The following P4HA1 variants were observed in gnomAD, a reference collection of about 807,000 sequenced individuals.
P4HA1 encodes the protein prolyl 4-hydroxylase subunit alpha-1.
Under a neutral mutation model 72.8 loss-of-function variants are expected in P4HA1, and 24 were observed. The observed-to-expected ratio is 0.33, with a 90% CI of 0.24 to 0.46. The LOEUF (loss-of-function observed/expected upper bound fraction) is 0.46. P4HA1 is among the 20% of genes least tolerant of loss of function. The probability of loss-of-function intolerance (pLI) is 1.00; values close to 1 mark genes in which losing one functional copy is unlikely to be tolerated. For synonymous variants in P4HA1, 201 were observed against 218.8 expected (o/e 0.92, Z 0.72); for missense variants, 446 against 640.6 (o/e 0.70, Z 3.28).
intron 9 of P4HA1, among the ~76,000 whole-genome samples, chr10:73,041,374 T>G (rs1840728771): frequency 6.6e-6 from 1 of 151,962 alleles, no homozygotes; most frequent in Non-Finnish European, 1.5e-5. Flanking sequence ...GAAACCCATC[T>G]CTACTAAAAA....
rs1373285977 is a variant in P4HA1 at position 73,053,531 on chromosome 10, A to G, written c.523T>C (p.Tyr175His). 6.2e-7 allele frequency: 1 copy of G among 1,614,018 alleles called. No individual in the cohort carries two copies. The highest frequency in any genetic ancestry group is 2.2e-5 in the East Asian group (1 of 44,880). Reference sequence around the variant, plus strand: ...GTATGGTAATAATCTGCTTCTGTATAGGCCACTTTGCCCAACTCAAAGCAG... The same window carrying G: ...GTATGGTAATAATCTGCTTCTGTATGGGCCACTTTGCCCAACTCAAAGCAG... Reference protein sequence around the residue: ...EDCFELGKVAYTEADYYHTEL... With the variant: ...EDCFELGKVAHTEADYYHTEL... The change falls in exon 6 of 15, where the codon TAT (tyrosine) becomes CAT (histidine). Residue 175 changes from tyrosine to histidine, a missense_variant. Coordinates refer to ENST00000394890, the MANE Select transcript of P4HA1 (RefSeq NM_001017962.3).
At chr10:73,076,005 C>T (rs1841689183) in intron 1 of P4HA1, among the ~76,000 whole-genome samples, 1 of 152,042 alleles carries the variant, frequency 6.6e-6, no homozygotes, top group African/African-American at 2.4e-5. Context: ...ACTTGGGAGG[C>T]TGAGGCAGGA....
intron 9 of P4HA1, among the ~76,000 whole-genome samples, chr10:73,037,042 T>C (rs1292397599): frequency 2.6e-5 from 4 of 152,164 alleles, no homozygotes; most frequent in Admixed American, 1.3e-4. Flanking sequence ...AAAAATCATT[T>C]GAAGATCATT....
At chr10:73,092,342 TTTTC>T (rs1299205444) in intron 1 of P4HA1, among the ~76,000 whole-genome samples, 1 of 147,626 alleles carries the variant, frequency 6.8e-6, no homozygotes, top group African/African-American at 2.6e-5. Flanking sequence ...TTTTTTTTTC[TTTTC>T]TTTTTTTTTT....
chr10:73,060,409 T>A (rs956938327), intron 5 of P4HA1, among the ~76,000 whole-genome samples: 2 of 152,172 alleles, frequency 1.3e-5, no homozygotes, highest in Admixed American at 6.5e-5. Context: ...TCATCCCTGT[T>A]CAAAGCAATC....
intron 11 of P4HA1, among the ~76,000 whole-genome samples, chr10:73,015,407 G>T (rs1352459092): frequency 2.0e-5 from 3 of 152,124 alleles, no homozygotes; most frequent in African/African-American, 7.2e-5. Flanking sequence ...CATACCAAAA[G>T]TCCAAAATGC....
Position 73,053,809 on chromosome 10 carries a change from T to C in P4HA1, c.464-219A>G, listed in dbSNP as rs540187835. Among the ~76,000 whole-genome samples the C allele has an allele frequency of 5.9e-5, 9 of 152,200 alleles. No homozygotes were observed. In the East Asian group the frequency reaches 1.5e-3, roughly 26 times the overall value. ...AGCTGGTATTAGGGGACACAGAACC[T>C]AGAGAACCCAAGACTGAAATTATCA... On this transcript the variant is annotated intron_variant, in intron 5 of 14. Coordinates refer to ENST00000394890, the MANE Select transcript of P4HA1 (RefSeq NM_001017962.3).
intron 9 of P4HA1, among the ~76,000 whole-genome samples, chr10:73,036,808 T>C (rs1429946191): frequency 6.6e-6 from 1 of 152,204 alleles, no homozygotes; most frequent in African/African-American, 2.4e-5. Flanking sequence ...ATTATAGACA[T>C]AATAGGTTAT....
chr10:73,062,829 G>C (rs1841341768), intron 5 of P4HA1, among the ~76,000 whole-genome samples: 1 of 152,158 alleles, frequency 6.6e-6, no homozygotes, highest in Non-Finnish European at 1.5e-5. Context: ...GACATTTGCA[G>C]ACTACAGAAA....
intron 9 of P4HA1, chr10:73,043,792 G>GTTTCTA: frequency 1.1e-6 from 1 of 898,126 alleles, no homozygotes; most frequent in Non-Finnish European, 1.8e-6. Context: ...TAACCACCTA[G>GTTTCTA]GTCTTAGAAA....
chr10:73,057,414 T>C (rs1303222174), intron 5 of P4HA1, among the ~76,000 whole-genome samples: 1 of 151,866 alleles, frequency 6.6e-6, no homozygotes, highest in Non-Finnish European at 1.5e-5. Flanking sequence ...GGCATGAACC[T>C]GGGAGGTAGA....
At chr10:73,030,836 C>T (rs1457575949) in intron 9 of P4HA1, among the ~76,000 whole-genome samples, 3 of 151,890 alleles carry the variant, frequency 2.0e-5, no homozygotes, top group Non-Finnish European at 4.4e-5. Context: ...GAAAAGTTAC[C>T]CAAACACACC....
At chr10:73,078,908 G>A (rs542950730) in intron 1 of P4HA1, among the ~76,000 whole-genome samples, 39 of 152,016 alleles carry the variant, frequency 2.6e-4, no homozygotes, top group Non-Finnish European at 2.9e-4. Context: ...CACCGCGCCC[G>A]GCTGGTAATT....
intron 5 of P4HA1, among the ~76,000 whole-genome samples, chr10:73,057,585 T>C: frequency 6.6e-6 from 1 of 151,940 alleles, no homozygotes; most frequent in East Asian, 1.9e-4. Flanking sequence ...AGAAAGAATA[T>C]AGATAAGATA....
intron 5 of P4HA1, among the ~76,000 whole-genome samples, chr10:73,066,575 T>TG (rs1841428398): frequency 1.3e-5 from 2 of 152,122 alleles, no homozygotes; most frequent in African/African-American, 4.8e-5. Context: ...TGGAGTGTAG[T>TG]GGCGTGATCA....
At chr10:73,018,757 CTG>C (rs1405974487) in intron 10 of P4HA1, among the ~76,000 whole-genome samples, 5 of 152,118 alleles carry the variant, frequency 3.3e-5, no homozygotes, top group African/African-American at 1.2e-4. Flanking sequence ...CCTCTCTTCC[CTG>C]GAGTTGGGCC....
At chr10:73,070,362 G>A (rs1841531851) in intron 4 of P4HA1, among the ~76,000 whole-genome samples, 1 of 151,712 alleles carries the variant, frequency 6.6e-6, no homozygotes, top group Non-Finnish European at 1.5e-5. Context: ...TCACCATGTT[G>A]ACTAAGCTCC....
rs749421567 is a variant in P4HA1, at chr10:73,072,229, AAC to A, written c.174-51_174-50del. On this transcript the variant is annotated intron_variant, in intron 3 of 14. Transcript: ENST00000394890. ...TGAATATTTATATTTCATAGGGAAA[AAC>A]ACAATTTAATGAAACGCTCAGAAAA... 12 of 1,464,138 alleles carry A rather than the reference AAC, an allele frequency of 8.2e-6. 1 individual carries two copies. Among genetic ancestry groups the A allele is most frequent in the African/African-American group, 7.0e-5 (5 of 71,084 alleles). The allele number at this position is 1,464,138 out of a possible 1,614,324, so 90.7% of individuals were successfully genotyped here.
chr10:73,047,190 G>T, intron 7 of P4HA1, 89 bp from the exon 8 acceptor site: 2 of 939,134 alleles, frequency 2.1e-6, no homozygotes, highest in Non-Finnish European at 3.3e-6. Context: ...CAATAATCAT[G>T]CTTGCATATA....
Sources: gnomAD v4.1 joint callset for allele counts (sites outside exome capture counted in the v4.1 genomes callset) on GRCh38, gnomAD v4.1.1 for gene constraint, MANE v1.5 for transcripts, NCBI Gene and HGNC (gene_info 2026-07-23, HGNC 2026-07-21) for gene names.